Variants in HDAC9 observed in about 807,000 individuals in gnomAD.
The protein encoded by HDAC9 is histone deacetylase 9.
In HDAC9, 41 loss-of-function variants were observed where a neutral mutation model predicts 139.4. That is an observed-to-expected ratio of 0.29 (90% CI 0.23 to 0.38). The LOEUF (loss-of-function observed/expected upper bound fraction) is 0.38, where lower values mean the gene tolerates loss of function less well. Among genes scored for constraint, HDAC9 ranks in the 10% least tolerant of loss-of-function variants. The pLI, the probability that HDAC9 is intolerant of heterozygous loss-of-function variation, is 1.00. For synonymous variants in HDAC9, 517 were observed against 476.2 expected (o/e 1.09, Z -1.12); for missense variants, 1,147 against 1,297.0 (o/e 0.88, Z 1.78).
intron 17 of HDAC9, chr7:18,808,140 C>T (rs1793877998): frequency 6.6e-6 from 1 of 152,170 alleles, no homozygotes; most frequent in Non-Finnish European, 1.5e-5. Context: ...TCATCCTCTT[C>T]AACTAAGTGC....
chr7:18,493,866 CT>C (rs1346436579), upstream of HDAC9, among the ~76,000 whole-genome samples: 3 of 151,750 alleles, frequency 2.0e-5, no homozygotes, highest in Non-Finnish European at 4.4e-5. Context: ...CACGGAGAAC[CT>C]TTTTTGAGGA....
chr7:18,727,007 A>G (rs1785601355), intron 12 of HDAC9, among the ~76,000 whole-genome samples: 2 of 152,196 alleles, frequency 1.3e-5, no homozygotes, highest in Admixed American at 1.3e-4. Flanking sequence ...ATAGTGTTGA[A>G]ATTATACCAT....
chr7:18,793,534 G>C (rs1792515162), intron 17 of HDAC9, 82 bp downstream of exon 17: 1 of 897,736 alleles, frequency 1.1e-6, no homozygotes, highest in African/African-American at 1.6e-5. Context: ...ATTGCGGGGA[G>C]TGTGGCGTGG....
intron 1 of HDAC9, among the ~76,000 whole-genome samples, chr7:18,300,677 A>G (rs571290572): frequency 2.1e-4 from 32 of 152,330 alleles, no homozygotes; most frequent in Admixed American, 2.0e-4. Context: ...TAAATGTAAC[A>G]TTAAAGTTCT....
chr7:18,564,959 TTTTATTTATTTATTTATTTATTTATTTA>T (rs145259249), intron 2 of HDAC9, among the ~76,000 whole-genome samples: 2 of 141,246 alleles, frequency 1.4e-5, no homozygotes, highest in Non-Finnish European at 3.1e-5. Context: ...AATAAATGTA[TTTTATTTATTTATTTATTTATTTATTTA>T]TTTATTTATT....
intron 22 of HDAC9, among the ~76,000 whole-genome samples, chr7:18,886,604 T>G (rs1349791879): frequency 1.3e-5 from 2 of 152,200 alleles, no homozygotes; most frequent in African/African-American, 4.8e-5. Flanking sequence ...TGATGGCATC[T>G]TAGATTCAAT....
rs532801693 is a variant in HDAC9, at chr7:18,740,192, G to T, written c.1910-8813G>T. 3.3e-5 allele frequency among the ~76,000 whole-genome samples: 5 copies of T among 152,312 alleles called. No individual in the cohort carries two copies. In the East Asian group the frequency reaches 9.7e-4, roughly 29 times the overall value. ...AGTCTGTCATGGCTTCCCTTGGCTA[G>T]GAAAGGGAAATCCCCCAACCCCTTG... On this transcript the variant is annotated intron_variant, in intron 13 of 25. Transcript: ENST00000686413.
At chr7:18,768,815 G>A (rs560637802) in intron 16 of HDAC9, among the ~76,000 whole-genome samples, 8 of 152,148 alleles carry the variant, frequency 5.3e-5, no homozygotes, top group African/African-American at 1.9e-4. Flanking sequence ...ATTTTATGAT[G>A]GTGCAAAAGT....
intron 6 of HDAC9, among the ~76,000 whole-genome samples, chr7:18,600,138 T>G (rs1833566000): frequency 6.6e-6 from 1 of 152,152 alleles, no homozygotes; most frequent in Non-Finnish European, 1.5e-5. Context: ...TTTTACATTT[T>G]TTAAATTGGT....
At chr7:18,471,364 A>T (rs578086325) in intron 1 of HDAC9, among the ~76,000 whole-genome samples, 1 of 152,336 alleles carries the variant, frequency 6.6e-6, no homozygotes, top group South Asian at 2.1e-4. Flanking sequence ...TTCTGCTTTT[A>T]CACAATACCT....
rs1473302983 is a variant in HDAC9, at chr7:18,666,220, C to T, written c.1475C>T (p.Ser492Leu). The change falls in exon 12 of 26, where the codon TCG becomes TTG. Residue 492 changes from serine (S) to leucine (L), a missense_variant. This residue lies in a region of HDAC9 where 256 missense variants were observed against 219.2 expected (regional missense o/e 1.17). Transcript: ENST00000686413. Reference protein sequence around the residue: ...QQQIHMNKLLSKSIEQLKQPG... With the variant: ...QQQIHMNKLLLKSIEQLKQPG... ...CTGAACACTCTCTTCTAGCTGCTTT[C>T]GAAATCTATTGAACAACTGAAGCAA... The T allele has an allele frequency of 5.0e-6, 8 of 1,609,504 alleles. No homozygotes were observed. Among genetic ancestry groups the T allele is most frequent in the African/African-American group, 1.3e-5 (1 of 74,744 alleles).
At chr7:18,123,471 C>T (rs1562644163) in intron 1 of HDAC9, among the ~76,000 whole-genome samples, 1 of 152,150 alleles carries the variant, frequency 6.6e-6, no homozygotes, top group African/African-American at 2.4e-5. Context: ...CCTATTTAAA[C>T]CATATCGTAC....
At chr7:18,646,487 A>G (rs1787464160) in intron 9 of HDAC9, among the ~76,000 whole-genome samples, 1 of 152,158 alleles carries the variant, frequency 6.6e-6, no homozygotes, top group South Asian at 2.1e-4. Flanking sequence ...TGCTTTGCCA[A>G]CGGGATTTGT....
intron 2 of HDAC9, among the ~76,000 whole-genome samples, chr7:18,256,300 A>T (rs780995413): frequency 1.3e-5 from 2 of 152,198 alleles, no homozygotes; most frequent in East Asian, 3.9e-4. Context: ...TAAAACCATG[A>T]TGTTATAATA....
intron 2 of HDAC9, among the ~76,000 whole-genome samples, chr7:18,200,282 A>T (rs1018535356): frequency 2.6e-5 from 4 of 152,238 alleles, no homozygotes; most frequent in African/African-American, 9.6e-5. Flanking sequence ...GTAGTTGAAA[A>T]CACTGATTGT....
intron 24 of HDAC9, among the ~76,000 whole-genome samples, chr7:18,965,886 GGCGGGAC>G (rs1783812548): frequency 6.6e-6 from 1 of 152,148 alleles, no homozygotes; most frequent in African/African-American, 2.4e-5. Flanking sequence ...ATTAGTAAGG[GGCGGGAC>G]ATGTGGATGA....
chr7:18,866,027 C>T (rs1444446691), intron 21 of HDAC9, among the ~76,000 whole-genome samples: 1 of 150,102 alleles, frequency 6.7e-6, no homozygotes, highest in African/African-American at 2.5e-5. Flanking sequence ...TAACTGCCTA[C>T]TCAAAACTTT....
At chr7:18,589,797 A>G (rs1830434674) in intron 3 of HDAC9, among the ~76,000 whole-genome samples, 1 of 152,204 alleles carries the variant, frequency 6.6e-6, no homozygotes, top group Non-Finnish European at 1.5e-5. Flanking sequence ...TATACATTGC[A>G]TTAGTCTATT....
At chr7:18,463,098 G>C (rs1793986764) in intron 1 of HDAC9, among the ~76,000 whole-genome samples, 1 of 151,904 alleles carries the variant, frequency 6.6e-6, no homozygotes, top group Non-Finnish European at 1.5e-5. Flanking sequence ...TTTTCTTGAA[G>C]AGTCCTATAA....
Sources: gnomAD v4.1 joint callset for allele counts (sites outside exome capture counted in the v4.1 genomes callset) on GRCh38, gnomAD v4.1.1 for gene constraint, gnomAD v4.1.1 regional missense constraint, MANE v1.5 for transcripts, NCBI Gene and HGNC (gene_info 2026-07-23, HGNC 2026-07-21) for gene names.